Variants in GRID2 observed in about 807,000 individuals in gnomAD.
GRID2 encodes the protein glutamate ionotropic receptor delta type subunit 2, also known as glutamate receptor ionotropic, delta-2.
GRID2 carries 33 observed loss-of-function variants against 114.8 expected under a neutral mutation model. That is an observed-to-expected ratio of 0.29 (90% CI 0.22 to 0.38). GRID2 has a LOEUF of 0.38. Among genes scored for constraint, GRID2 ranks in the 10% least tolerant of loss-of-function variants. The probability of loss-of-function intolerance (pLI) is 1.00; values close to 1 mark genes in which losing one functional copy is unlikely to be tolerated. For missense variants in GRID2, 1,184 were observed against 1,257.7 expected (o/e 0.94, Z 0.89); for synonymous variants, 505 against 449.9 (o/e 1.12, Z -1.55).
chr4:93,674,136 G>A (rs1271072339), intron 14 of GRID2, among the ~76,000 whole-genome samples: 2 of 152,112 alleles, frequency 1.3e-5, no homozygotes, highest in Non-Finnish European at 2.9e-5. Context: ...TGTCATTGCT[G>A]CTAGGTGTTA....
At chr4:93,611,868 CT>C (rs1740960427) in intron 13 of GRID2, among the ~76,000 whole-genome samples, 1 of 151,578 alleles carries the variant, frequency 6.6e-6, no homozygotes, top group Non-Finnish European at 1.5e-5. Flanking sequence ...CCTGGGTATC[CT>C]TGTTGACTTT....
At chr4:92,893,600 T>C (rs72665207) in intron 2 of GRID2, among the ~76,000 whole-genome samples, 2,328 of 152,262 alleles carry the variant, frequency 0.015, 27 homozygotes, top group Non-Finnish European at 0.023. Context: ...ACTTTTTTTT[T>C]CCTCTTAATC....
At chr4:92,945,420 C>A (rs1391735635) in intron 2 of GRID2, among the ~76,000 whole-genome samples, 1 of 151,892 alleles carries the variant, frequency 6.6e-6, no homozygotes, top group Non-Finnish European at 1.5e-5. Context: ...AGGATCAACT[C>A]AATGTTTTTG....
At chr4:92,955,067 A>G (rs1480487569) in intron 2 of GRID2, among the ~76,000 whole-genome samples, 1 of 108,678 alleles carries the variant, frequency 9.2e-6, no homozygotes, top group Non-Finnish European at 1.8e-5. Flanking sequence ...ATAATGCCAC[A>G]ATAAACATAC....
chr4:92,312,207 C>T (rs1725743729), intron 1 of GRID2, among the ~76,000 whole-genome samples: 2 of 152,104 alleles, frequency 1.3e-5, no homozygotes, highest in South Asian at 4.2e-4. Flanking sequence ...TAAATGGGGT[C>T]TGAGAGGGCA....
chr4:93,725,950 G>C (rs1248677255), intron 14 of GRID2, among the ~76,000 whole-genome samples: 1 of 152,082 alleles, frequency 6.6e-6, no homozygotes, highest in Non-Finnish European at 1.5e-5. Flanking sequence ...TCACTCTGAT[G>C]GTAGTTTCTT....
intron 14 of GRID2, among the ~76,000 whole-genome samples, chr4:93,664,673 C>A (rs1430240155): frequency 6.6e-6 from 1 of 152,100 alleles, no homozygotes; most frequent in Non-Finnish European, 1.5e-5. Flanking sequence ...ATTGGGAGAT[C>A]AATTCTGGAC....
At chr4:93,153,430 G>A (rs757709078) in intron 4 of GRID2, among the ~76,000 whole-genome samples, 21 of 152,036 alleles carry the variant, frequency 1.4e-4, no homozygotes, top group Non-Finnish European at 2.2e-4. Flanking sequence ...CCCAGGGCTC[G>A]CACTTGCAAT....
chr4:93,395,071 A>G (rs1335631684), intron 8 of GRID2, among the ~76,000 whole-genome samples: 1 of 152,030 alleles, frequency 6.6e-6, no homozygotes, highest in Non-Finnish European at 1.5e-5. Flanking sequence ...AACACTGCCA[A>G]AAAGGCAAAT....
intron 2 of GRID2, among the ~76,000 whole-genome samples, chr4:92,899,320 G>A (rs1426038023): frequency 6.6e-6 from 1 of 151,828 alleles, no homozygotes; most frequent in Non-Finnish European, 1.5e-5. Context: ...AAAAAATTTA[G>A]CTATATTATG....
At chr4:92,672,302 A>G (rs1481266331) in intron 2 of GRID2, among the ~76,000 whole-genome samples, 1 of 152,172 alleles carries the variant, frequency 6.6e-6, no homozygotes, top group Non-Finnish European at 1.5e-5. Context: ...GTTTTCAACA[A>G]ATATTTAACA....
chr4:93,324,857 G>T (rs945685992), intron 8 of GRID2, among the ~76,000 whole-genome samples: 1 of 152,142 alleles, frequency 6.6e-6, no homozygotes, highest in Non-Finnish European at 1.5e-5. Context: ...GTGGTAGTTT[G>T]TATGTCTGTG....
intron 2 of GRID2, among the ~76,000 whole-genome samples, chr4:93,060,128 C>T (rs753086548): frequency 7.9e-5 from 12 of 151,902 alleles, no homozygotes; most frequent in Non-Finnish European, 1.6e-4. Flanking sequence ...GAAATGCTGT[C>T]GTTTACTGGA....
chr4:92,759,979 G>C (rs544602907), intron 2 of GRID2, among the ~76,000 whole-genome samples: 1 of 151,284 alleles, frequency 6.6e-6, no homozygotes, highest in Non-Finnish European at 1.5e-5. Context: ...GAACGCCTTC[G>C]ATAATGGTAG....
intron 2 of GRID2, among the ~76,000 whole-genome samples, chr4:93,067,609 A>G (rs1728415588): frequency 6.6e-6 from 1 of 152,060 alleles, no homozygotes; most frequent in South Asian, 2.1e-4. Context: ...GGGGGAACAC[A>G]TACATTCAGA....
At chr4:92,518,712 AAAAT>A (rs541827389) in intron 1 of GRID2, among the ~76,000 whole-genome samples, 1 of 151,934 alleles carries the variant, frequency 6.6e-6, no homozygotes, top group African/African-American at 2.4e-5. Context: ...AAAATAAAGT[AAAAT>A]AAATAAATAC....
Position 93,455,391 on chromosome 4 carries a change from T to C in GRID2, c.1546-271T>C, listed in dbSNP as rs560609262. ...AAAAGACAATTTTCTCCCTGTGTTATCTGTGTCTGAAATATTCTTCACTGA... is the reference window on the plus strand; with the variant it reads ...AAAAGACAATTTTCTCCCTGTGTTACCTGTGTCTGAAATATTCTTCACTGA... On this transcript the variant is annotated intron_variant, in intron 10 of 15. Coordinates refer to ENST00000282020, the MANE Select transcript of GRID2 (RefSeq NM_001510.4). 2.9e-4 allele frequency among the ~76,000 whole-genome samples: 44 copies of C among 152,274 alleles called. 1 individual carries two copies. The highest frequency in any genetic ancestry group is 2.2e-3 in the Admixed American group (34 of 15,284).
chr4:93,348,085 A>T (rs889546160), intron 8 of GRID2, among the ~76,000 whole-genome samples: 1 of 152,150 alleles, frequency 6.6e-6, no homozygotes, highest in African/African-American at 2.4e-5. Context: ...ACATTTCTGT[A>T]ATGGCACAAA....
chr4:93,602,742 A>G (rs1739818945), intron 13 of GRID2, among the ~76,000 whole-genome samples: 3 of 152,184 alleles, frequency 2.0e-5, no homozygotes, highest in Non-Finnish European at 4.4e-5. Context: ...ATAACCTACA[A>G]TGGTCTCTAA....
Sources: gnomAD v4.1 joint callset for allele counts (sites outside exome capture counted in the v4.1 genomes callset) on GRCh38, gnomAD v4.1.1 for gene constraint, MANE v1.5 for transcripts, NCBI Gene and HGNC (gene_info 2026-07-23, HGNC 2026-07-21) for gene names.